The following GALNT18 variants were observed in gnomAD, a reference collection of about 807,000 sequenced individuals.
GALNT18 encodes polypeptide N-acetylgalactosaminyltransferase 18.
GALNT18 carries 44 observed loss-of-function variants against 69.5 expected under a neutral mutation model. The observed-to-expected ratio is 0.63, with a 90% CI of 0.50 to 0.81. The LOEUF (loss-of-function observed/expected upper bound fraction) is 0.81. Ranked by LOEUF, GALNT18 falls within the 40% of genes least tolerant of loss-of-function variation. The pLI, the probability that GALNT18 is intolerant of heterozygous loss-of-function variation, is 0.00. For missense variants in GALNT18, 715 were observed against 810.0 expected, an observed-to-expected ratio of 0.88 and a Z score of 1.42; for synonymous variants, 364 against 318.2, an observed-to-expected ratio of 1.14 and a Z score of -1.53.
chr11:11,384,518 C>T (rs1854003204), intron 3 of GALNT18, among the ~76,000 whole-genome samples: 1 of 152,146 alleles, frequency 6.6e-6, no homozygotes, highest in Admixed American at 6.5e-5. Context: ...TCATGACTTA[C>T]TCACCTCTGA....
chr11:11,418,884 T>C (rs554733308), intron 3 of GALNT18, among the ~76,000 whole-genome samples: 2 of 152,284 alleles, frequency 1.3e-5, no homozygotes, highest in South Asian at 2.1e-4. Context: ...TCCAGTCAAA[T>C]GAGGATGTTG....
chr11:11,610,660 G>A (rs189979497), intron 1 of GALNT18, among the ~76,000 whole-genome samples: 1 of 152,178 alleles, frequency 6.6e-6, no homozygotes, highest in Admixed American at 6.5e-5. Flanking sequence ...CCCAGTTATC[G>A]AGTTGGACAT....
At chr11:11,408,152 G>C (rs1854635281) in intron 3 of GALNT18, among the ~76,000 whole-genome samples, 1 of 152,134 alleles carries the variant, frequency 6.6e-6, no homozygotes, top group South Asian at 2.1e-4. Flanking sequence ...GATCACTTGA[G>C]GTCAGGAGTT....
chr11:11,534,763 G>T (rs144875966), intron 1 of GALNT18, among the ~76,000 whole-genome samples: 1 of 152,204 alleles, frequency 6.6e-6, no homozygotes, highest in African/African-American at 2.4e-5. Context: ...TATTCTCCAC[G>T]CTGTGTTTAC....
chr11:11,485,154 C>T (rs1856616828), intron 1 of GALNT18, among the ~76,000 whole-genome samples: 1 of 152,192 alleles, frequency 6.6e-6, no homozygotes, highest in Non-Finnish European at 1.5e-5. Context: ...ACAAACCACC[C>T]AACACAACAT....
intron 1 of GALNT18, among the ~76,000 whole-genome samples, chr11:11,558,444 G>T (rs931177751): frequency 6.6e-6 from 1 of 152,264 alleles, no homozygotes; most frequent in South Asian, 2.1e-4. Context: ...TTTGTGCAAG[G>T]TATCAGGCAG....
chr11:11,593,200 C>T (rs1296848242), intron 1 of GALNT18, among the ~76,000 whole-genome samples: 1 of 152,220 alleles, frequency 6.6e-6, no homozygotes, highest in Non-Finnish European at 1.5e-5. Context: ...TCCAATGCAG[C>T]TCCCTTTAGG....
At chr11:11,298,435 C>T (rs1042847236) in intron 9 of GALNT18, among the ~76,000 whole-genome samples, 6 of 152,246 alleles carry the variant, frequency 3.9e-5, no homozygotes, top group Non-Finnish European at 8.8e-5. Flanking sequence ...GGGAGAAGTC[C>T]TGAGCAAGGC....
chr11:11,368,828 T>C (rs1279495801), intron 6 of GALNT18, among the ~76,000 whole-genome samples: 1 of 152,230 alleles, frequency 6.6e-6, no homozygotes, highest in African/African-American at 2.4e-5. Flanking sequence ...GTGGGTCAGG[T>C]TTGCCTGTCC....
chr11:11,579,184 G>A (rs1038943090), intron 1 of GALNT18, among the ~76,000 whole-genome samples: 16 of 152,206 alleles, frequency 1.1e-4, no homozygotes, highest in Non-Finnish European at 2.4e-4. Flanking sequence ...CTGAGTGGCG[G>A]TGATGGCAAA....
chr11:11,478,944 GCGGAGGTGGCACCT>G (rs1415556978), intron 1 of GALNT18, among the ~76,000 whole-genome samples: 1 of 59,434 alleles, frequency 1.7e-5, no homozygotes, highest in African/African-American at 4.8e-5. Context: ...GGCATCTCCC[GCGGAGGTGGCACCT>G]CCTCAGGGCT....
intron 1 of GALNT18, among the ~76,000 whole-genome samples, chr11:11,599,831 T>C (rs901705665): frequency 1.3e-5 from 2 of 152,028 alleles, no homozygotes; most frequent in African/African-American, 4.8e-5. Flanking sequence ...TGCTTTGATA[T>C]ATGAATACAT....
At chr11:11,325,712 C>A (rs1235748681) in intron 9 of GALNT18, among the ~76,000 whole-genome samples, 2 of 152,006 alleles carry the variant, frequency 1.3e-5, no homozygotes, top group African/African-American at 4.8e-5. Context: ...TGTTTTACTT[C>A]AATACAATGT....
At chr11:11,273,604 T>C (rs2132972733) in intron 10 of GALNT18, among the ~76,000 whole-genome samples, 1 of 152,200 alleles carries the variant, frequency 6.6e-6, no homozygotes, top group Admixed American at 6.5e-5. Flanking sequence ...GGAATGAAAA[T>C]TATTACAGCT....
Position 11,415,078 on chromosome 11 carries a change from C to T in GALNT18, c.595+17543G>A, listed in dbSNP as rs1854822287. Among the ~76,000 whole-genome samples the T allele has an allele frequency of 6.6e-6, 1 of 152,210 alleles. No individual in the cohort carries two copies. The highest frequency in any genetic ancestry group is 1.5e-5 in the Non-Finnish European group (1 of 68,042). ...ATGCTCTTGGCAACAAGAGGCTGCC[C>T]AATCTCCTTGCCGCATGGACAGTTC... On this transcript the variant is annotated intron_variant, in intron 3 of 10. Transcript: ENST00000227756. This position sits in a 1 kb window ranked among gnomAD's most constrained non-coding sequence, Gnocchi z 4.1.
rs1408735458 is a variant in GALNT18 at position 11,497,988 on chromosome 11, A to G, written c.236-49052T>C. 2.6e-5 allele frequency among the ~76,000 whole-genome samples: 4 copies of G among 152,156 alleles called. No individual in the cohort carries two copies. Among genetic ancestry groups the G allele is most frequent in the Non-Finnish European group, 5.9e-5 (4 of 68,038 alleles). Reference sequence around the variant, plus strand: ...AAAATTATAATTCATGACTTTTTATATCATCTATGATTTCCAAATTTGGCT... The same window carrying G: ...AAAATTATAATTCATGACTTTTTATGTCATCTATGATTTCCAAATTTGGCT... On this transcript the variant is annotated intron_variant, in intron 1 of 10. Transcript: ENST00000227756. This position sits in a 1 kb window ranked among gnomAD's most constrained non-coding sequence, Gnocchi z 4.2.
intron 1 of GALNT18, among the ~76,000 whole-genome samples, chr11:11,512,075 C>T (rs1857177212): frequency 6.6e-6 from 1 of 152,194 alleles, no homozygotes; most frequent in Non-Finnish European, 1.5e-5. Flanking sequence ...AATTTTTACA[C>T]ATTCACAGAT....
intron 1 of GALNT18, among the ~76,000 whole-genome samples, chr11:11,455,667 G>A (rs1427974293): frequency 6.6e-6 from 1 of 152,242 alleles, no homozygotes; most frequent in African/African-American, 2.4e-5. Context: ...TGGAATGGGG[G>A]CAGGAAGAAC....
rs1425876872 is a variant in GALNT18, at chr11:11,332,243, T to A, written c.1416+451A>T. Among the ~76,000 whole-genome samples, 1 of 152,074 alleles carries A rather than the reference T, an allele frequency of 6.6e-6. No individual in the cohort carries two copies. Among genetic ancestry groups the A allele is most frequent in the Non-Finnish European group, 1.5e-5 (1 of 68,000 alleles). On this transcript the variant is annotated intron_variant, in intron 8 of 10. Coordinates refer to ENST00000227756, the MANE Select transcript of GALNT18 (RefSeq NM_198516.3). The surrounding 1 kb of genome is among the most constrained non-coding windows in gnomAD (Gnocchi z 4.3). The stretch of plus-strand genomic sequence containing the variant: ...CTAAAAATACAGCAAATAAAATAAA[T>A]TCAAGATGGCTCTGTCTCTAGAACT...
Sources: gnomAD v4.1 joint callset for allele counts (sites outside exome capture counted in the v4.1 genomes callset) on GRCh38, gnomAD v4.1.1 for gene constraint, Gnocchi (gnomAD v3.1) non-coding constraint, MANE v1.5 for transcripts, NCBI Gene and HGNC (gene_info 2026-07-23, HGNC 2026-07-21) for gene names.